CORO2B: variants seen among roughly 807,000 people sequenced by gnomAD.
CORO2B encodes the protein coronin-2B.
CORO2B carries 26 observed loss-of-function variants against 58.8 expected under a neutral mutation model. That is an observed-to-expected ratio of 0.44 (90% CI 0.32 to 0.61). CORO2B has a LOEUF of 0.61. Ranked by LOEUF, CORO2B falls within the 20% of genes least tolerant of loss-of-function variation. The probability of loss-of-function intolerance (pLI) is 0.04; values close to 1 mark genes in which losing one functional copy is unlikely to be tolerated. For missense variants in CORO2B, 460 were observed against 645.1 expected, an observed-to-expected ratio of 0.71 and a Z score of 3.11; for synonymous variants, 242 against 253.8, an observed-to-expected ratio of 0.95 and a Z score of 0.44.
chr15:68,635,265 G>A (rs1900994903), intron 1 of CORO2B, among the ~76,000 whole-genome samples: 1 of 152,172 alleles, frequency 6.6e-6, no homozygotes. Context: ...GAGCCAGCAG[G>A]GCCCTCAGTT....
chr15:68,581,803 G>A (rs1386302834), intron 1 of CORO2B, among the ~76,000 whole-genome samples: 1 of 152,178 alleles, frequency 6.6e-6, no homozygotes, highest in Non-Finnish European at 1.5e-5. Context: ...GGGAGGAAAT[G>A]GGTTCGAGAG....
At chr15:68,552,059 T>C in the CORO2B span, among the ~76,000 whole-genome samples, 1 of 151,950 alleles carries the variant, frequency 6.6e-6, no homozygotes, top group Non-Finnish European at 1.5e-5. Context: ...GTCATCAGCA[T>C]CCCCAAAGTG....
rs193039612 is a variant in CORO2B at position 68,694,485 on chromosome 15, G to A, written c.217-655G>A. ...TTCAAACACAGGCCTGTGGGACTCC[G>A]AAGACTATGCTTTCAACCACAGGGC... On this transcript the variant is annotated intron_variant, in intron 2 of 11. Transcript: ENST00000261861. Among the ~76,000 whole-genome samples the A allele has an allele frequency of 1.2e-3, 182 of 152,280 alleles. 2 individuals are homozygous for A. Among genetic ancestry groups the A allele is most frequent in the East Asian group, 8.5e-3 (44 of 5,182 alleles).
intron 1 of CORO2B, among the ~76,000 whole-genome samples, chr15:68,609,377 T>G (rs1439773742): frequency 6.6e-6 from 1 of 152,170 alleles, no homozygotes; most frequent in Non-Finnish European, 1.5e-5. Flanking sequence ...ACCATCTTAT[T>G]TCTCCCAGCA....
At chr15:68,619,841 C>T (rs1900469170) in intron 1 of CORO2B, among the ~76,000 whole-genome samples, 2 of 152,096 alleles carry the variant, frequency 1.3e-5, no homozygotes, top group African/African-American at 4.8e-5. Flanking sequence ...TTGCTGTGTT[C>T]TCTCCTTTTT....
At chr15:68,544,201 A>G in the CORO2B span, among the ~76,000 whole-genome samples, 10 of 152,164 alleles carry the variant, frequency 6.6e-5, no homozygotes, top group African/African-American at 2.4e-4. Flanking sequence ...AAGCAACTAT[A>G]TCTCTCTCTG....
chr15:68,697,808 G>A (rs1220462280), intron 3 of CORO2B, among the ~76,000 whole-genome samples: 2 of 152,210 alleles, frequency 1.3e-5, no homozygotes, highest in Non-Finnish European at 2.9e-5. Context: ...ACAGGAGCTG[G>A]TGGAGGCTGG....
At chr15:68,674,329 C>T (rs961532999) in intron 2 of CORO2B, among the ~76,000 whole-genome samples, 1 of 152,342 alleles carries the variant, frequency 6.6e-6, no homozygotes, top group Non-Finnish European at 1.5e-5. Context: ...TATATATTCT[C>T]TGCACACATG....
chr15:68,622,485 A>G (rs1004321730), intron 1 of CORO2B, among the ~76,000 whole-genome samples: 7 of 152,198 alleles, frequency 4.6e-5, no homozygotes, highest in East Asian at 1.9e-4. Context: ...AACCTGCTAT[A>G]TGAGTCCCAT....
rs144983432 is a variant in CORO2B at position 68,688,540 on chromosome 15, A to G, written c.217-6600A>G. On this transcript the variant is annotated intron_variant, in intron 2 of 11. Transcript: ENST00000261861. ...TCTGAAAAAAAAATCAAAATCTGAA[A>G]TACTTCTGGTCCCAAGCACTTTGGA... Among the ~76,000 whole-genome samples, 103 of 152,332 alleles carry G rather than the reference A, an allele frequency of 6.8e-4. 1 individual carries two copies. The East Asian group carries it at 0.019, about 28-fold the overall frequency.
At chr15:68,715,127 G>C in intron 7 of CORO2B, 88 bp from the exon 8 acceptor site, 1 of 1,157,812 alleles carries the variant, frequency 8.6e-7, no homozygotes, top group Non-Finnish European at 1.3e-6. Context: ...GCACAGGGGA[G>C]AGCTGTCTTC....
At position 68,640,378 on chromosome 15, in the gene CORO2B, C is replaced by T. The variant is rs187987855; in HGVS notation, c.16-4782C>T. ...ACCTGAATCAAATCAAGGCCTTAGA[C>T]CTAACTCTTAAAGTTTACAAGGGAT... On this transcript the variant is annotated intron_variant, in intron 1 of 11. Transcript: ENST00000261861. 7.9e-5 allele frequency among the ~76,000 whole-genome samples: 12 copies of T among 152,276 alleles called. No homozygotes were observed. In the East Asian group the frequency reaches 2.3e-3, roughly 29 times the overall value.
chr15:68,697,912 C>T (rs1892552581), intron 3 of CORO2B, among the ~76,000 whole-genome samples: 1 of 152,108 alleles, frequency 6.6e-6, no homozygotes, highest in South Asian at 2.1e-4. Flanking sequence ...TCAGGGAGCC[C>T]AAGAAGGAAT....
At chr15:68,522,608 C>T in the CORO2B span, among the ~76,000 whole-genome samples, 1 of 152,124 alleles carries the variant, frequency 6.6e-6, no homozygotes, top group Non-Finnish European at 1.5e-5. Context: ...TGCCACCATG[C>T]CTGGCTAATT....
rs573868968 is a variant in CORO2B, at chr15:68,707,324, T to C, written c.334-3408T>C. ...GTCTCAGACTCTGTGGGTTAAAAAC[T>C]AGGACAGTTTTTGGGGACAATTTTA... On this transcript the variant is annotated intron_variant, in intron 3 of 11. Coordinates refer to ENST00000261861, the MANE Select transcript of CORO2B (RefSeq NM_006091.5). Among the ~76,000 whole-genome samples, 64 of 152,322 alleles carry C rather than the reference T, an allele frequency of 4.2e-4. 1 individual carries two copies. Among genetic ancestry groups the C allele is most frequent in the South Asian group, 1.7e-3 (8 of 4,824 alleles).
chr15:68,615,819 A>G (rs540915574), intron 1 of CORO2B, among the ~76,000 whole-genome samples: 1 of 152,278 alleles, frequency 6.6e-6, no homozygotes, highest in East Asian at 1.9e-4. Context: ...TGAGAAATAA[A>G]TTTATGTTGT....
chr15:68,685,431 C>T (rs1036656076), intron 2 of CORO2B, among the ~76,000 whole-genome samples: 6 of 152,150 alleles, frequency 3.9e-5, no homozygotes, highest in Admixed American at 3.9e-4. Context: ...AGGCTGGTCT[C>T]ACACTCCTGA....
In CORO2B at chr15:68,727,274, A is replaced by C. The variant is rs1316933985; in HGVS notation, c.*1300A>C. 1 of 152,660 alleles carries C rather than the reference A, an allele frequency of 6.6e-6. No individual in the cohort carries two copies. The highest frequency in any genetic ancestry group is 1.5e-5 in the Non-Finnish European group (1 of 68,056). The allele number at this position is 152,660 out of a possible 1,614,324, so 9.5% of individuals were successfully genotyped here. ...TCACGTCTACTCCCTTCTGCAGATG[A>C]GGAAACCGAGAGAAGTGGCCCAAGG... On this transcript the variant is annotated 3_prime_UTR_variant, in exon 12 of 12. Coordinates refer to ENST00000261861, the MANE Select transcript of CORO2B (RefSeq NM_006091.5).
intron 1 of CORO2B, among the ~76,000 whole-genome samples, chr15:68,593,871 G>A (rs116335300): frequency 8.5e-4 from 129 of 152,208 alleles, no homozygotes; most frequent in African/African-American, 3.0e-3. Context: ...ATCCTGACCT[G>A]AGAAGGGCGA....
Sources: gnomAD v4.1 joint callset for allele counts (sites outside exome capture counted in the v4.1 genomes callset) on GRCh38, gnomAD v4.1.1 for gene constraint, MANE v1.5 for transcripts, NCBI Gene and HGNC (gene_info 2026-07-23, HGNC 2026-07-21) for gene names.